Variants in CSMD1 observed in about 807,000 individuals in gnomAD.
CSMD1 encodes the protein CUB and Sushi multiple domains 1.
A neutral mutation model predicts 417.5 loss-of-function variants in CSMD1; 213 were observed. That is an observed-to-expected ratio of 0.51 (90% CI 0.46 to 0.57). CSMD1 has a LOEUF of 0.57. CSMD1 is among the 20% of genes least tolerant of loss of function. CSMD1 has a pLI of 0.00. For missense variants in CSMD1, 6,923 were observed against 4,529.7 expected, an observed-to-expected ratio of 1.53 and a Z score of -15.17; for synonymous variants, 2,862 against 1,736.8, an observed-to-expected ratio of 1.65 and a Z score of -16.11.
intron 46 of CSMD1, among the ~76,000 whole-genome samples, chr8:3,098,696 T>G (rs960762910): frequency 6.6e-6 from 1 of 152,146 alleles, no homozygotes; most frequent in African/African-American, 2.4e-5. Context: ...TGTGATATTT[T>G]AAGAAAGAAA....
intron 3 of CSMD1, among the ~76,000 whole-genome samples, chr8:4,306,646 A>C (rs919505886): frequency 2.6e-5 from 4 of 152,014 alleles, no homozygotes; most frequent in Admixed American, 2.0e-4. Flanking sequence ...GGATGTATCC[A>C]TTGTCGATCA....
intron 13 of CSMD1, 78 bp from the exon 14 acceptor site, chr8:3,408,303 C>A: frequency 2.7e-6 from 3 of 1,112,010 alleles, no homozygotes; most frequent in Non-Finnish European, 3.8e-6. Context: ...CAGCTAAGAA[C>A]CTGGAAAGGC....
intron 3 of CSMD1, among the ~76,000 whole-genome samples, chr8:4,276,561 T>C (rs990246604): frequency 9.9e-5 from 15 of 152,174 alleles, no homozygotes; most frequent in African/African-American, 3.6e-4. Flanking sequence ...CTGCACGTTC[T>C]GCACATGTAC....
chr8:3,440,135 G>C (rs552879835), intron 12 of CSMD1, among the ~76,000 whole-genome samples: 2 of 152,236 alleles, frequency 1.3e-5, no homozygotes, highest in South Asian at 2.1e-4. Flanking sequence ...AGCTATTCCA[G>C]TTCCTCTACA....
chr8:4,076,527 C>A (rs544370440), intron 3 of CSMD1, among the ~76,000 whole-genome samples: 1 of 151,928 alleles, frequency 6.6e-6, no homozygotes, highest in Non-Finnish European at 1.5e-5. Context: ...CAAATAGAGC[C>A]AAAAACGAAT....
intron 52 of CSMD1, among the ~76,000 whole-genome samples, chr8:3,005,156 A>G (rs1318638601): frequency 2.6e-5 from 4 of 152,150 alleles, no homozygotes; most frequent in African/African-American, 9.7e-5. Context: ...AATAAAAACA[A>G]TAACAATAAT....
chr8:4,475,365 T>C (rs1005221047), intron 2 of CSMD1, among the ~76,000 whole-genome samples: 3 of 152,322 alleles, frequency 2.0e-5, no homozygotes, highest in Non-Finnish European at 2.9e-5. Flanking sequence ...AAAGAGTTAA[T>C]GTATGAACAA....
intron 5 of CSMD1, among the ~76,000 whole-genome samples, chr8:3,912,493 G>A (rs1192554924): frequency 6.6e-6 from 1 of 152,128 alleles, no homozygotes; most frequent in Non-Finnish European, 1.5e-5. Context: ...ACCCTCAAGT[G>A]AAACATATTG....
chr8:3,030,094 C>A (rs1251380335), intron 50 of CSMD1, among the ~76,000 whole-genome samples: 1 of 152,030 alleles, frequency 6.6e-6, no homozygotes, highest in African/African-American at 2.4e-5. Flanking sequence ...CTATTCATGT[C>A]CTTAGAAAAG....
At chr8:3,986,000 C>G (rs552924053) in intron 5 of CSMD1, among the ~76,000 whole-genome samples, 94 of 151,960 alleles carry the variant, frequency 6.2e-4, no homozygotes, top group Non-Finnish European at 1.0e-3. Flanking sequence ...AAGCCAGGCC[C>G]CACCCACTCC....
chr8:3,517,624 T>G (rs1797336320), intron 10 of CSMD1, among the ~76,000 whole-genome samples: 1 of 152,334 alleles, frequency 6.6e-6, no homozygotes, highest in East Asian at 1.9e-4. Context: ...ACTATACGAT[T>G]TTTTTGGGGA....
intron 5 of CSMD1, among the ~76,000 whole-genome samples, chr8:3,806,046 A>G (rs920127504): frequency 6.6e-6 from 1 of 152,136 alleles, no homozygotes; most frequent in East Asian, 1.9e-4. Flanking sequence ...AACTTCTTCA[A>G]TGGATTTTAA....
chr8:4,270,779 G>A (rs754285929), intron 3 of CSMD1, among the ~76,000 whole-genome samples: 1 of 152,214 alleles, frequency 6.6e-6, no homozygotes, highest in Non-Finnish European at 1.5e-5. Context: ...CACCCCCCAG[G>A]GGGCTGTGGC....
At chr8:3,402,637 C>T (rs185174551) in intron 15 of CSMD1, among the ~76,000 whole-genome samples, 19 of 152,220 alleles carry the variant, frequency 1.2e-4, no homozygotes, top group East Asian at 1.2e-3. Flanking sequence ...TCACTGTTTA[C>T]GTAAAGTTAT....
chr8:4,481,432 T>C (rs1475840013), intron 2 of CSMD1, among the ~76,000 whole-genome samples: 2 of 152,272 alleles, frequency 1.3e-5, no homozygotes, highest in Non-Finnish European at 2.9e-5. Context: ...GGCAGTGTTT[T>C]ATTTTTTCTT....
chr8:4,849,046 A>T (rs11996867), intron 1 of CSMD1, among the ~76,000 whole-genome samples: 2,788 of 152,344 alleles, frequency 0.018, 76 homozygotes, highest in African/African-American at 0.063. Context: ...CACCTGTTAT[A>T]GTCCCTGAAG....
At chr8:3,262,834 A>G (rs886258892) in intron 26 of CSMD1, among the ~76,000 whole-genome samples, 3 of 152,232 alleles carry the variant, frequency 2.0e-5, no homozygotes, top group Admixed American at 1.3e-4. Flanking sequence ...GAATTCTACA[A>G]TCTACAAAAA....
intron 18 of CSMD1, among the ~76,000 whole-genome samples, chr8:3,377,132 C>G (rs184184453): frequency 6.6e-6 from 1 of 152,274 alleles, no homozygotes; most frequent in South Asian, 2.1e-4. Context: ...CCTCAGCGTC[C>G]TGAACCGCTG....
intron 5 of CSMD1, among the ~76,000 whole-genome samples, chr8:3,787,159 G>C (rs1799496460): frequency 6.6e-6 from 1 of 152,054 alleles, no homozygotes; most frequent in African/African-American, 2.4e-5. Context: ...CATGTAATCA[G>C]GTAGCTTTCA....
Sources: allele counts gnomAD v4.1 joint callset (sites outside exome capture counted in the v4.1 genomes callset), GRCh38; gene constraint gnomAD v4.1.1; transcripts MANE v1.5; gene names NCBI Gene and HGNC (gene_info 2026-07-23, HGNC 2026-07-21).